The following NEB variants were observed in gnomAD, a reference collection of about 807,000 sequenced individuals.
NEB encodes nebulin.
Under a neutral mutation model 952.2 loss-of-function variants are expected in NEB, and 512 were observed. The observed-to-expected ratio is 0.54, with a 90% confidence interval of 0.50 to 0.58. The LOEUF (loss-of-function observed/expected upper bound fraction) is 0.58. Ranked by LOEUF, NEB falls within the 20% of genes least tolerant of loss-of-function variation. NEB has a pLI of 0.00. For missense variants in NEB, 8,428 were observed against 9,231.1 expected, an observed-to-expected ratio of 0.91 and a Z score of 3.56; for synonymous variants, 2,900 against 3,149.8, an observed-to-expected ratio of 0.92 and a Z score of 2.66.
At position 151,520,036 on chromosome 2, in the gene NEB, AAAC is replaced by A. The variant is rs1253130948; in HGVS notation, c.22480-271_22480-269del. On this transcript the variant is annotated intron_variant, in intron 153 of 181. Transcript: ENST00000397345. ...AAAGTAATCACCTCTTTCTAATGCA[AAAC>A]AAAAAAAAAAAAAAATGGAAAAGGC... The A allele has an allele frequency of 6.0e-4, 113 of 187,808 alleles. 1 individual carries two copies. The highest frequency in any genetic ancestry group is 1.5e-3 in the Middle Eastern group (1 of 660). The allele number at this position is 187,808 out of a possible 1,614,324, so 11.6% of individuals were successfully genotyped here. A position where few individuals can be genotyped will look rare whatever the true frequency, so the allele number is the denominator to read the frequency against.
At chr2:151,533,338 G>A (rs779076323) in intron 143 of NEB, 104 bp downstream of exon 143, 2 of 743,682 alleles carry the variant, frequency 2.7e-6, no homozygotes, top group Non-Finnish European at 4.5e-6. Flanking sequence ...ACCATATGAA[G>A]CCAGCATGGG....
At chr2:151,722,350 T>G (rs2150587993) in intron 9 of NEB, among the ~76,000 whole-genome samples, 1 of 152,294 alleles carries the variant, frequency 6.6e-6, no homozygotes, top group East Asian at 1.9e-4. Context: ...TGCTGCTGGT[T>G]TCAAGCCTAA....
rs1390126401 is a variant in NEB at position 151,502,429 on chromosome 2, T to C, written c.23928+364A>G. On this transcript the variant is annotated intron_variant, in intron 167 of 181. Coordinates refer to ENST00000397345, the MANE Select transcript of NEB (RefSeq NM_001164508.2). The stretch of plus-strand genomic sequence containing the variant: ...AAAAGCTGCAAACATAAAGAATACA[T>C]TAAACAGCCACAATAAATACAAATA... Among the ~76,000 whole-genome samples the C allele has an allele frequency of 2.0e-5, 3 of 151,894 alleles. No individual in the cohort carries two copies. In the South Asian group the frequency reaches 6.2e-4, roughly 32 times the overall value.
rs1405405745 is a variant in NEB at position 151,568,813 on chromosome 2, A to G, written c.17536-97T>C. On this transcript the variant is annotated intron_variant, in intron 110 of 181. Transcript: ENST00000397345. Reference sequence around the variant, plus strand: ...TTTAGAGTCCTTCTCTACTAGAAACATACAGTGCCGTATTTGAATAGCGTC... The same window carrying G: ...TTTAGAGTCCTTCTCTACTAGAAACGTACAGTGCCGTATTTGAATAGCGTC... 3 of 850,996 alleles carry G rather than the reference A, an allele frequency of 3.5e-6. No individual in the cohort carries two copies. The African/African-American group carries it at 5.1e-5, about 15-fold the overall frequency. 52.7% of individuals were successfully genotyped at this position (850,996 alleles called of 1,614,324 possible).
intron 124 of NEB, among the ~76,000 whole-genome samples, chr2:151,558,321 C>A (rs2095799334): frequency 6.6e-6 from 1 of 152,070 alleles, no homozygotes. Context: ...ATCTGAAGGA[C>A]CTCTTCAAGG....
intron 8 of NEB, among the ~76,000 whole-genome samples, chr2:151,723,970 T>G (rs1372470474): frequency 6.6e-6 from 1 of 152,038 alleles, no homozygotes; most frequent in African/African-American, 2.4e-5. Context: ...GAGATATTAC[T>G]TTGTGGCTCT....
chr2:151,489,102 T>G (rs1206133329), intron 181 of NEB, among the ~76,000 whole-genome samples: 2 of 152,204 alleles, frequency 1.3e-5, no homozygotes, highest in African/African-American at 2.4e-5. Context: ...TTGGTTTATT[T>G]CAGGGAAAAT....
At chr2:151,688,238 C>G in intron 25 of NEB, 54 bp downstream of exon 25, 1 of 1,350,246 alleles carries the variant, frequency 7.4e-7, no homozygotes, top group Non-Finnish European at 1.0e-6. Flanking sequence ...AAATTTAAAA[C>G]ATTTTCTCTT....
At chr2:151,634,107 C>CAGGA in intron 64 of NEB, 142 bp from the exon 65 acceptor site, 7 of 982,406 alleles carry the variant, frequency 7.1e-6, no homozygotes, top group Non-Finnish European at 1.0e-5. Context: ...GGCTTTCATC[C>CAGGA]TGGAAGCCCT....
intron 105 of NEB, among the ~76,000 whole-genome samples, chr2:151,576,706 AT>A (rs930909628): frequency 4.7e-5 from 7 of 149,676 alleles, no homozygotes; most frequent in East Asian, 3.9e-4. Flanking sequence ...TAATTTTTGT[AT>A]TTTTTTTAGT....
chr2:151,637,170 A>G (rs928441874), intron 63 of NEB, among the ~76,000 whole-genome samples: 3 of 152,184 alleles, frequency 2.0e-5, no homozygotes, highest in African/African-American at 7.2e-5. Context: ...AACTGCTGAA[A>G]AGTCAAACCA....
chr2:151,649,344 C>CTCATTCTAAGCTGATTAATATATTAAGAT (rs1247312832), intron 54 of NEB, among the ~76,000 whole-genome samples: 2 of 151,940 alleles, frequency 1.3e-5, no homozygotes, highest in Non-Finnish European at 2.9e-5. Context: ...TGATTATGGG[C>CTCATTCTAAGCTGATTAATATATTAAGAT]TTATATATTA....
intron 63 of NEB, among the ~76,000 whole-genome samples, chr2:151,638,394 C>T (rs565666640): frequency 3.9e-5 from 6 of 152,258 alleles, no homozygotes; most frequent in South Asian, 2.1e-4. Context: ...AGGAATGCCC[C>T]GCAGCTTGGG....
At chr2:151,560,759 T>C in intron 123 of NEB, 60 bp from the exon 124 acceptor site, 1 of 1,314,662 alleles carries the variant, frequency 7.6e-7, no homozygotes, top group Non-Finnish European at 1.1e-6. Flanking sequence ...AGCTTCTGAG[T>C]AGCAGGTTTT....
chr2:151,552,611 T>G, intron 128 of NEB, 61 bp downstream of exon 128: 1 of 1,219,110 alleles, frequency 8.2e-7, no homozygotes, highest in Non-Finnish European at 1.2e-6. Flanking sequence ...TTTTGCCACC[T>G]CTGCTTGAGT....
chr2:151,561,212 C>A lies in NEB; in HGVS notation c.19097G>T (p.Ser6366Ile), dbSNP rs191579691. The change falls in exon 122 of 182, where the codon AGT (serine) becomes ATT (isoleucine). Residue 6366 changes from serine to isoleucine, a missense_variant. By Grantham distance (142) the Ser-to-Ile change is moderately radical. This residue lies in a region of NEB where 3,374 missense variants were observed against 3,651.5 expected (regional missense o/e 0.92). Transcript: ENST00000397345. Reference sequence around the variant, plus strand: ...GAGGAGTACAGGAAGACGCACCTCACTGGCATTAATGCCACTCTGAACAGC... The same window carrying A: ...GAGGAGTACAGGAAGACGCACCTCAATGGCATTAATGCCACTCTGAACAGC... ...VTAVQSGINASEVKYKENYHQ... is the reference protein window; with the variant it reads ...VTAVQSGINAIEVKYKENYHQ... The A allele has an allele frequency of 2.1e-5, 34 of 1,603,570 alleles. No individual in the cohort carries two copies. Among genetic ancestry groups the A allele is most frequent in the Non-Finnish European group, 8.5e-7 (1 of 1,173,194 alleles).
At chr2:151,501,546 C>T (rs1405864131) in intron 167 of NEB, 63 bp from the exon 168 acceptor site, 8 of 894,880 alleles carry the variant, frequency 8.9e-6, no homozygotes, top group Non-Finnish European at 1.1e-5. Flanking sequence ...TAGACTTAAC[C>T]TAAAAAAACA....
chr2:151,505,600 T>C (rs1225461459), intron 164 of NEB, 30 bp from the exon 165 acceptor site: 1 of 1,526,302 alleles, frequency 6.6e-7, no homozygotes, highest in Non-Finnish European at 9.1e-7. Flanking sequence ...AAAAGAAAGG[T>C]ATTATTACAT....
chr2:151,651,225 G>T (rs534886343), intron 52 of NEB, among the ~76,000 whole-genome samples: 9 of 152,296 alleles, frequency 5.9e-5, no homozygotes, highest in African/African-American at 2.2e-4. Flanking sequence ...TAATGTAATT[G>T]AGTATCAAGA....
Sources: allele counts gnomAD v4.1 joint callset (sites outside exome capture counted in the v4.1 genomes callset), GRCh38; gene constraint gnomAD v4.1.1; regional missense constraint gnomAD v4.1.1; transcripts MANE v1.5; gene names NCBI Gene and HGNC (gene_info 2026-07-23, HGNC 2026-07-21).